The following ZNF804B variants were observed in gnomAD, a reference collection of about 807,000 sequenced individuals.
ZNF804B encodes zinc finger protein 804B.
In ZNF804B, 80 loss-of-function variants were observed where a neutral mutation model predicts 101.4. That is an observed-to-expected ratio of 0.79 (90% CI 0.66 to 0.95). The LOEUF (loss-of-function observed/expected upper bound fraction) is 0.95, where lower values mean the gene tolerates loss of function less well. ZNF804B is among the 40% of genes least tolerant of loss of function. The pLI, the probability that ZNF804B is intolerant of heterozygous loss-of-function variation, is 0.00. For missense variants in ZNF804B, 1,673 were observed against 1,561.9 expected, an observed-to-expected ratio of 1.07 and a Z score of -1.20; for synonymous variants, 622 against 558.8, an observed-to-expected ratio of 1.11 and a Z score of -1.59.
chr7:88,895,067 TGGG>T lies in ZNF804B; in HGVS notation c.108+134986_108+134988del, dbSNP rs1017260364. On this transcript the variant is annotated intron_variant, in intron 1 of 3. Coordinates refer to ENST00000333190, the MANE Select transcript of ZNF804B (RefSeq NM_181646.5). Reference sequence around the variant, plus strand: ...AAAATGTATAAAACAATCTCACTGATGGGGGTATAGATTTTTTTATTTTGTTTT... The same window carrying T: ...AAAATGTATAAAACAATCTCACTGATGGTATAGATTTTTTTATTTTGTTTT... Among the ~76,000 whole-genome samples the T allele has an allele frequency of 9.2e-5, 14 of 152,278 alleles. No individual in the cohort carries two copies. In the East Asian group the frequency reaches 2.7e-3, roughly 29 times the overall value.
At position 88,883,125 on chromosome 7, in the gene ZNF804B, CACACAA is replaced by C. The variant is rs1437108389; in HGVS notation, c.108+123043_108+123048del. ...TGGGTTAAACATGGTAGAGAATTGT[CACACAA>C]AAGAAGCATTTGCCAGCCATCATTT... On this transcript the variant is annotated intron_variant, in intron 1 of 3. Transcript: ENST00000333190. Among the ~76,000 whole-genome samples, 4 of 152,048 alleles carry C rather than the reference CACACAA, an allele frequency of 2.6e-5. No homozygotes were observed. The South Asian group carries it at 8.3e-4, about 32-fold the overall frequency.
chr7:88,983,617 A>G (rs79699433), intron 1 of ZNF804B, among the ~76,000 whole-genome samples: 2,669 of 152,188 alleles, frequency 0.018, 84 homozygotes, highest in African/African-American at 0.061. Flanking sequence ...ACAGTATGAC[A>G]AGGCAGCATA....
chr7:89,093,624 G>A (rs1018790303), intron 1 of ZNF804B, among the ~76,000 whole-genome samples: 3 of 152,174 alleles, frequency 2.0e-5, no homozygotes, highest in Non-Finnish European at 4.4e-5. Context: ...TGCCCTGTTT[G>A]TACGATTATC....
intron 1 of ZNF804B, among the ~76,000 whole-genome samples, chr7:89,085,221 G>T (rs917444922): frequency 1.3e-5 from 2 of 151,842 alleles, no homozygotes; most frequent in East Asian, 3.9e-4. Context: ...CTATGTTTGA[G>T]ATTTTCTACT....
chr7:88,883,873 T>C (rs1792080213), intron 1 of ZNF804B, among the ~76,000 whole-genome samples: 1 of 152,062 alleles, frequency 6.6e-6, no homozygotes, highest in African/African-American at 2.4e-5. Context: ...ATGTCACTTA[T>C]CAAACTACAT....
chr7:88,960,420 G>A (rs911356066), intron 1 of ZNF804B, among the ~76,000 whole-genome samples: 1 of 151,310 alleles, frequency 6.6e-6, no homozygotes, highest in East Asian at 2.0e-4. Flanking sequence ...GTGCGGGAGT[G>A]GGGGATGGTG....
chr7:89,229,870 A>G (rs748595560), intron 2 of ZNF804B, among the ~76,000 whole-genome samples: 11 of 152,180 alleles, frequency 7.2e-5, no homozygotes, highest in Non-Finnish European at 1.6e-4. Context: ...ATGCTCTCAA[A>G]TCACAATGTA....
chr7:88,960,077 G>C (rs572427794), intron 1 of ZNF804B, among the ~76,000 whole-genome samples: 2 of 151,346 alleles, frequency 1.3e-5, no homozygotes, highest in East Asian at 3.9e-4. Context: ...AACAAAGACT[G>C]TTTCCCCTTT....
intron 1 of ZNF804B, among the ~76,000 whole-genome samples, chr7:88,987,820 G>A (rs1053338078): frequency 2.6e-5 from 4 of 151,956 alleles, no homozygotes. Context: ...CTTAACAATA[G>A]TTGTCTTATT....
chr7:89,216,737 C>G (rs1278069156), intron 1 of ZNF804B, among the ~76,000 whole-genome samples: 1 of 152,136 alleles, frequency 6.6e-6, no homozygotes, highest in Non-Finnish European at 1.5e-5. Context: ...TTACTTCACC[C>G]CATTCTGAAA....
At chr7:88,844,467 T>C (rs1181355464) in intron 1 of ZNF804B, among the ~76,000 whole-genome samples, 1 of 152,220 alleles carries the variant, frequency 6.6e-6, no homozygotes, top group Non-Finnish European at 1.5e-5. Context: ...CCTCATAGTA[T>C]CATCCAATCT....
chr7:88,967,454 G>A (rs568451011), intron 1 of ZNF804B, among the ~76,000 whole-genome samples: 32 of 151,638 alleles, frequency 2.1e-4, no homozygotes, highest in African/African-American at 7.5e-4. Flanking sequence ...ATTACACTTC[G>A]ATGTGAGATT....
intron 1 of ZNF804B, among the ~76,000 whole-genome samples, chr7:88,861,881 A>C (rs1420232438): frequency 6.6e-6 from 1 of 152,144 alleles, no homozygotes; most frequent in African/African-American, 2.4e-5. Context: ...GTAGCATAAG[A>C]TTAGAATTAT....
Position 88,800,577 on chromosome 7 carries a change from G to A in ZNF804B, c.108+40493G>A, listed in dbSNP as rs116009818. ...ATGTTTAGTACAGGGCTGGATGGGC[G>A]TATACAAGAGTGCTAAGATATAAAC... On this transcript the variant is annotated intron_variant, in intron 1 of 3. Transcript: ENST00000333190. Among the ~76,000 whole-genome samples, 570 of 152,084 alleles carry A rather than the reference G, an allele frequency of 3.7e-3. 7 individuals carry two copies. The highest frequency in any genetic ancestry group is 0.013 in the African/African-American group (527 of 41,520).
chr7:88,958,873 A>T (rs1204678858), intron 1 of ZNF804B, among the ~76,000 whole-genome samples: 1 of 151,462 alleles, frequency 6.6e-6, no homozygotes, highest in Non-Finnish European at 1.5e-5. Flanking sequence ...AAAACTGGAG[A>T]GGTGGACATA....
At chr7:88,771,223 A>G (rs1790056281) in intron 1 of ZNF804B, among the ~76,000 whole-genome samples, 1 of 152,114 alleles carries the variant, frequency 6.6e-6, no homozygotes, top group African/African-American at 2.4e-5. Flanking sequence ...GTGAATTCCT[A>G]GGGAAAAAAG....
intron 2 of ZNF804B, among the ~76,000 whole-genome samples, chr7:89,300,811 C>G (rs1025627656): frequency 6.6e-6 from 1 of 151,782 alleles, no homozygotes; most frequent in African/African-American, 2.4e-5. Flanking sequence ...AAGGCTTAAT[C>G]TGAAAAAAGT....
intron 1 of ZNF804B, among the ~76,000 whole-genome samples, chr7:89,045,695 G>A (rs182624495): frequency 2.0e-4 from 31 of 152,212 alleles, no homozygotes; most frequent in Admixed American, 6.5e-4. Flanking sequence ...TGGCCATTTC[G>A]TCTCATTTGG....
At chr7:89,118,032 A>T (rs1178169202) in intron 1 of ZNF804B, among the ~76,000 whole-genome samples, 1 of 152,188 alleles carries the variant, frequency 6.6e-6, no homozygotes, top group Non-Finnish European at 1.5e-5. Context: ...AGGTTTCTAC[A>T]TTTGAGAGCA....
Sources: gnomAD v4.1 joint callset for allele counts (sites outside exome capture counted in the v4.1 genomes callset) on GRCh38, gnomAD v4.1.1 for gene constraint, MANE v1.5 for transcripts, NCBI Gene and HGNC (gene_info 2026-07-23, HGNC 2026-07-21) for gene names.